DOCK3: variants seen among roughly 807,000 people sequenced by gnomAD.
The protein encoded by DOCK3 is dedicator of cytokinesis 3, also known as dedicator of cytokinesis protein 3.
In DOCK3, 60 loss-of-function variants were observed where a neutral mutation model predicts 265.6. That is an observed-to-expected ratio of 0.23 (90% CI 0.18 to 0.28). DOCK3 has a LOEUF of 0.28. Ranked by LOEUF, DOCK3 falls within the 10% of genes least tolerant of loss-of-function variation. DOCK3 has a pLI of 1.00. For missense variants in DOCK3, 1,981 were observed against 2,594.3 expected, an observed-to-expected ratio of 0.76 and a Z score of 5.14; for synonymous variants, 881 against 938.0, an observed-to-expected ratio of 0.94 and a Z score of 1.11.
rs537650578 is a variant in DOCK3 at position 50,726,536 on chromosome 3, A to G, written c.37+51236A>G. Reference sequence around the variant, plus strand: ...AAGTAAAGGCTAAGGCTGAGTTATAAGTGGCCTTGGTAAGCACTGAAGGAG... The same window carrying G: ...AAGTAAAGGCTAAGGCTGAGTTATAGGTGGCCTTGGTAAGCACTGAAGGAG... On this transcript the variant is annotated intron_variant, in intron 1 of 52. Coordinates refer to ENST00000266037, the MANE Select transcript of DOCK3 (RefSeq NM_004947.5). Among the ~76,000 whole-genome samples, 9 of 152,324 alleles carry G rather than the reference A, an allele frequency of 5.9e-5. No individual in the cohort carries two copies. In the South Asian group the frequency reaches 1.9e-3, roughly 32 times the overall value.
intron 5 of DOCK3, among the ~76,000 whole-genome samples, chr3:50,944,494 G>T (rs182120594): frequency 3.7e-4 from 56 of 152,294 alleles, no homozygotes; most frequent in Admixed American, 3.1e-3. Context: ...CACACTGGAG[G>T]TCATGCAAAG....
intron 5 of DOCK3, among the ~76,000 whole-genome samples, chr3:50,965,542 G>C: frequency 6.6e-6 from 1 of 152,014 alleles, no homozygotes; most frequent in Non-Finnish European, 1.5e-5. Flanking sequence ...TAGATGAAAT[G>C]GACAAATTCC....
intron 1 of DOCK3, among the ~76,000 whole-genome samples, chr3:50,737,344 A>G (rs2038704117): frequency 6.6e-6 from 1 of 152,108 alleles, no homozygotes; most frequent in Non-Finnish European, 1.5e-5. Context: ...TGGGGAGGGA[A>G]TGTGCTACAC....
chr3:50,988,306 C>T (rs183827203), intron 5 of DOCK3, among the ~76,000 whole-genome samples: 21 of 152,286 alleles, frequency 1.4e-4, no homozygotes, highest in African/African-American at 4.8e-4. Flanking sequence ...AGATCCCACT[C>T]CTCACTGTGT....
At chr3:50,734,602 G>GTTTTTTTTTT (rs771129941) in intron 1 of DOCK3, among the ~76,000 whole-genome samples, 15 of 107,376 alleles carry the variant, frequency 1.4e-4, no homozygotes, top group East Asian at 6.0e-4. Flanking sequence ...TTTACAGTGA[G>GTTTTTTTTTT]TTTTTTTTTT....
chr3:50,932,659 A>C (rs2051132845), intron 4 of DOCK3, among the ~76,000 whole-genome samples: 1 of 152,118 alleles, frequency 6.6e-6, no homozygotes, highest in South Asian at 2.1e-4. Context: ...TTCATCTTGG[A>C]TGTGTGAAAT....
In DOCK3 at chr3:51,075,984, G is replaced by A. The variant is rs181850031; in HGVS notation, c.549+544G>A. ...GTAAAATAAATAGAAGAAACCTTAG[G>A]TGGTGACAGTTATGCTTAGACTAAC... On this transcript the variant is annotated intron_variant, in intron 7 of 52. Coordinates refer to ENST00000266037, the MANE Select transcript of DOCK3 (RefSeq NM_004947.5). 5.8e-4 allele frequency among the ~76,000 whole-genome samples: 89 copies of A among 152,250 alleles called. 1 individual carries two copies. The highest frequency in any genetic ancestry group is 1.3e-3 in the Admixed American group (20 of 15,296).
chr3:50,966,492 T>C (rs2077036956), intron 5 of DOCK3, among the ~76,000 whole-genome samples: 1 of 149,744 alleles, frequency 6.7e-6, no homozygotes, highest in South Asian at 2.1e-4. Context: ...TGTTTTTTTT[T>C]TTTTTCTTCC....
chr3:50,720,970 T>C (rs1036855445), intron 1 of DOCK3, among the ~76,000 whole-genome samples: 3 of 152,234 alleles, frequency 2.0e-5, no homozygotes, highest in Non-Finnish European at 4.4e-5. Context: ...GAGCTTTTTT[T>C]TTCATATGCT....
intron 32 of DOCK3, among the ~76,000 whole-genome samples, chr3:51,328,767 C>T (rs2084321978): frequency 6.6e-6 from 1 of 152,152 alleles, no homozygotes; most frequent in Non-Finnish European, 1.5e-5. Flanking sequence ...GTGAGAAAGG[C>T]TTCTGTTTAT....
At chr3:51,005,481 TAACTA>T (rs2078644750) in intron 5 of DOCK3, among the ~76,000 whole-genome samples, 1 of 152,200 alleles carries the variant, frequency 6.6e-6, no homozygotes, top group South Asian at 2.1e-4. Flanking sequence ...TCCACACTTT[TAACTA>T]AACTTTATCT....
At chr3:50,870,614 A>G (rs754571772) in intron 3 of DOCK3, among the ~76,000 whole-genome samples, 7 of 152,002 alleles carry the variant, frequency 4.6e-5, no homozygotes, top group Non-Finnish European at 8.8e-5. Flanking sequence ...ATTCAGCATT[A>G]TTATTGATAA....
intron 4 of DOCK3, among the ~76,000 whole-genome samples, chr3:50,893,694 A>C (rs2048752363): frequency 6.6e-6 from 1 of 151,990 alleles, no homozygotes; most frequent in Admixed American, 6.6e-5. Context: ...GAGGGAGAGC[A>C]AGGAAAAGAA....
intron 5 of DOCK3, among the ~76,000 whole-genome samples, chr3:51,022,199 GTA>G: frequency 6.6e-6 from 1 of 152,266 alleles, no homozygotes; most frequent in South Asian, 2.1e-4. Context: ...TACATTGACT[GTA>G]TATTTAGTGA....
Position 50,802,178 on chromosome 3 carries a change from T to A in DOCK3, c.121+23420T>A, listed in dbSNP as rs2043107358. Among the ~76,000 whole-genome samples the A allele has an allele frequency of 3.9e-5, 6 of 152,330 alleles. No individual in the cohort carries two copies. The South Asian group carries it at 1.2e-3, about 32-fold the overall frequency. ...CTATGTCTTCTAAATGTATATTTAA[T>A]CCATTTATATTCAAGATTATTATTG... On this transcript the variant is annotated intron_variant, in intron 2 of 52. Transcript: ENST00000266037.
At chr3:50,715,660 A>C (rs1284718682) in intron 1 of DOCK3, among the ~76,000 whole-genome samples, 1 of 152,192 alleles carries the variant, frequency 6.6e-6, no homozygotes, top group Non-Finnish European at 1.5e-5. Context: ...TTGCAAAGGC[A>C]CAAAGATATG....
intron 13 of DOCK3, among the ~76,000 whole-genome samples, chr3:51,211,825 G>A (rs2089521640): frequency 6.6e-6 from 1 of 152,178 alleles, no homozygotes; most frequent in South Asian, 2.1e-4. Context: ...AAACATACGT[G>A]TGCATGTGTC....
chr3:51,012,050 C>T (rs1356664533), intron 5 of DOCK3, among the ~76,000 whole-genome samples: 2 of 152,162 alleles, frequency 1.3e-5, no homozygotes, highest in Non-Finnish European at 2.9e-5. Context: ...GGGTCCCTCC[C>T]AGTTAGGCTA....
chr3:50,829,560 C>A (rs1402505766), intron 2 of DOCK3, among the ~76,000 whole-genome samples: 1 of 152,110 alleles, frequency 6.6e-6, no homozygotes, highest in African/African-American at 2.4e-5. Context: ...CTATCATTTT[C>A]TGCTGGTATG....
Sources: allele counts gnomAD v4.1 joint callset (sites outside exome capture counted in the v4.1 genomes callset), GRCh38; gene constraint gnomAD v4.1.1; transcripts MANE v1.5; gene names NCBI Gene and HGNC (gene_info 2026-07-23, HGNC 2026-07-21).